RFTN1: variants seen among roughly 807,000 people sequenced by gnomAD.
The protein encoded by RFTN1 is raftlin.
A neutral mutation model predicts 46.5 loss-of-function variants in RFTN1; 26 were observed. The observed-to-expected ratio is 0.56, with a 90% confidence interval of 0.41 to 0.78. RFTN1 has a LOEUF of 0.78. RFTN1 is among the 30% of genes least tolerant of loss of function. The pLI, the probability that RFTN1 is intolerant of heterozygous loss-of-function variation, is 0.00. For missense variants in RFTN1, 693 were observed against 718.7 expected, an observed-to-expected ratio of 0.96 and a Z score of 0.41; for synonymous variants, 261 against 284.2, an observed-to-expected ratio of 0.92 and a Z score of 0.82.
Position 16,387,751 on chromosome 3 carries a change from C to G in RFTN1, c.442-9649G>C, listed in dbSNP as rs965709752. ...GCCTCACCGACTCCACCTCCACTCACTCTCTAGCTTCTGTACTGCCTCCTC... is the reference window on the plus strand; with the variant it reads ...GCCTCACCGACTCCACCTCCACTCAGTCTCTAGCTTCTGTACTGCCTCCTC... On this transcript the variant is annotated intron_variant, in intron 4 of 9. Transcript: ENST00000334133. This position sits in a 1 kb window ranked among gnomAD's most constrained non-coding sequence, Gnocchi z 5.2. Among the ~76,000 whole-genome samples, 1 of 152,102 alleles carries G rather than the reference C, an allele frequency of 6.6e-6. No homozygotes were observed. The highest frequency in any genetic ancestry group is 6.6e-5 in the Admixed American group (1 of 15,256).
chr3:16,457,504 A>G lies in RFTN1; in HGVS notation c.146-23467T>C, dbSNP rs1328730424. On this transcript the variant is annotated intron_variant, in intron 2 of 9. Coordinates refer to ENST00000334133, the MANE Select transcript of RFTN1 (RefSeq NM_015150.2). This position sits in a 1 kb window ranked among gnomAD's most constrained non-coding sequence, Gnocchi z 4.2. The stretch of plus-strand genomic sequence containing the variant: ...TACCTTCTTTTACGATATACAAGGC[A>G]TCCCAAAAGTCTCAATACAGTTTTA... Among the ~76,000 whole-genome samples the G allele has an allele frequency of 6.6e-6, 1 of 152,230 alleles. No individual in the cohort carries two copies. Among genetic ancestry groups the G allele is most frequent in the African/African-American group, 2.4e-5 (1 of 41,458 alleles).
At chr3:16,423,498 C>T (rs1230585217) in intron 3 of RFTN1, among the ~76,000 whole-genome samples, 2 of 152,144 alleles carry the variant, frequency 1.3e-5, no homozygotes, top group African/African-American at 2.4e-5. Context: ...ATGTGAAAAC[C>T]GGTTTCTCCA....
At chr3:16,391,104 A>AC (rs1306399039) in intron 4 of RFTN1, among the ~76,000 whole-genome samples, 5 of 152,186 alleles carry the variant, frequency 3.3e-5, no homozygotes, top group African/African-American at 1.2e-4. Flanking sequence ...CATCACTAGT[A>AC]CCCCAATGAA....
Position 16,385,150 on chromosome 3 carries a change from C to T in RFTN1, c.442-7048G>A, listed in dbSNP as rs2074124925. On this transcript the variant is annotated intron_variant, in intron 4 of 9. Coordinates refer to ENST00000334133, the MANE Select transcript of RFTN1 (RefSeq NM_015150.2). This position sits in a 1 kb window ranked among gnomAD's most constrained non-coding sequence, Gnocchi z 5.0. ...ATGCCCTAGGTGTCAAGAACAGGTA[C>T]AAAAATGCCATTCTGGGTTGCAGTT... Among the ~76,000 whole-genome samples, 1 of 152,176 alleles carries T rather than the reference C, an allele frequency of 6.6e-6. No individual in the cohort carries two copies. The highest frequency in any genetic ancestry group is 2.4e-5 in the African/African-American group (1 of 41,426).
At chr3:16,486,511 C>T (rs1395630246) in intron 2 of RFTN1, among the ~76,000 whole-genome samples, 1 of 152,252 alleles carries the variant, frequency 6.6e-6, no homozygotes, top group African/African-American at 2.4e-5. Context: ...ATCCCTCCCA[C>T]AAGTTGTCTC....
chr3:16,454,858 T>C, intron 2 of RFTN1: 1 of 797,788 alleles, frequency 1.3e-6, no homozygotes, highest in Non-Finnish European at 1.5e-6. Flanking sequence ...ACTAGCTTTT[T>C]GCCTAGTCCA....
intron 6 of RFTN1, among the ~76,000 whole-genome samples, chr3:16,368,532 G>C (rs1469949859): frequency 6.6e-6 from 1 of 152,116 alleles, no homozygotes; most frequent in South Asian, 2.1e-4. Context: ...ATTAGCCTGC[G>C]TGGTGGCGGG....
rs2074574669 is a variant in RFTN1 at position 16,400,537 on chromosome 3, A to G, written c.441+8838T>C. 6.6e-6 allele frequency among the ~76,000 whole-genome samples: 1 copy of G among 152,242 alleles called. No individual in the cohort carries two copies. Among genetic ancestry groups the G allele is most frequent in the African/African-American group, 2.4e-5 (1 of 41,458 alleles). Reference sequence around the variant, plus strand: ...ATTACCTAGACCGGCTTACTAAAGTATTCCCAAACACTACCAGCAAAGATC... The same window carrying G: ...ATTACCTAGACCGGCTTACTAAAGTGTTCCCAAACACTACCAGCAAAGATC... On this transcript the variant is annotated intron_variant, in intron 4 of 9. Transcript: ENST00000334133. The surrounding 1 kb of genome is among the most constrained non-coding windows in gnomAD (Gnocchi z 4.5).
intron 4 of RFTN1, among the ~76,000 whole-genome samples, chr3:16,389,082 G>C (rs556524476): frequency 6.6e-6 from 1 of 152,320 alleles, no homozygotes; most frequent in South Asian, 2.1e-4. Flanking sequence ...TTAACATCCA[G>C]TATTCGTGAC....
intron 2 of RFTN1, among the ~76,000 whole-genome samples, chr3:16,456,672 C>T (rs2075911503): frequency 6.6e-6 from 1 of 152,166 alleles, no homozygotes; most frequent in Admixed American, 6.5e-5. Context: ...CACGTTAGAA[C>T]ATTTAAAACT....
At position 16,400,255 on chromosome 3, in the gene RFTN1, AC is replaced by A. The variant is rs939364063; in HGVS notation, c.441+9119del. 3.3e-5 allele frequency among the ~76,000 whole-genome samples: 5 copies of A among 151,892 alleles called. No homozygotes were observed. Among genetic ancestry groups the A allele is most frequent in the African/African-American group, 1.2e-4 (5 of 41,334 alleles). On this transcript the variant is annotated intron_variant, in intron 4 of 9. Transcript: ENST00000334133. The surrounding 1 kb of genome is among the most constrained non-coding windows in gnomAD (Gnocchi z 4.5). ...AACTCCCTTCTGCTCCTCAAACCAAACTTACTCCCTCCCACCTTGGCTTTGT... is the reference window on the plus strand; with the variant it reads ...AACTCCCTTCTGCTCCTCAAACCAAATTACTCCCTCCCACCTTGGCTTTGT...
chr3:16,316,022 G>T lies in RFTN1; in HGVS notation c.*806C>A, dbSNP rs2068353239. ...CACATGATAAACACAGCATACATGG[G>T]TAACAACTTGACCAATGTTACACTG... is the stretch of plus-strand genomic sequence containing the variant. On this transcript the variant is annotated 3_prime_UTR_variant, in exon 10 of 10. Coordinates refer to ENST00000334133, the MANE Select transcript of RFTN1 (RefSeq NM_015150.2). The surrounding 1 kb of genome is among the most constrained non-coding windows in gnomAD (Gnocchi z 4.5). 1 of 152,388 alleles carries T rather than the reference G, an allele frequency of 6.6e-6. No homozygotes were observed. Among genetic ancestry groups the T allele is most frequent in the Non-Finnish European group, 1.5e-5 (1 of 68,052 alleles). 9.4% of individuals were successfully genotyped at this position (152,388 alleles called of 1,614,324 possible). A position where few individuals can be genotyped will look rare whatever the true frequency, so the allele number is the denominator to read the frequency against.
intron 4 of RFTN1, among the ~76,000 whole-genome samples, chr3:16,408,970 G>A (rs2074924802): frequency 6.6e-6 from 1 of 152,240 alleles, no homozygotes; most frequent in South Asian, 2.1e-4. Context: ...ATGTTCGAAT[G>A]TGGGTGGCCC....
At position 16,346,978 on chromosome 3, in the gene RFTN1, G is replaced by A. The variant is rs908243550; in HGVS notation, c.1146+10954C>T. Among the ~76,000 whole-genome samples the A allele has an allele frequency of 1.3e-5, 2 of 152,126 alleles. No individual in the cohort carries two copies. Among genetic ancestry groups the A allele is most frequent in the South Asian group, 2.1e-4 (1 of 4,818 alleles). On this transcript the variant is annotated intron_variant, in intron 7 of 9. Transcript: ENST00000334133. The surrounding 1 kb of genome is among the most constrained non-coding windows in gnomAD (Gnocchi z 4.4). The stretch of plus-strand genomic sequence containing the variant: ...AATGAGATGAGATGAACACCCCTAC[G>A]GCTTAAGCCACTTTTAGTTGGATTT...
At position 16,457,961 on chromosome 3, in the gene RFTN1, G is replaced by T. The variant is rs1423244206; in HGVS notation, c.146-23924C>A. 2.0e-5 allele frequency among the ~76,000 whole-genome samples: 3 copies of T among 152,128 alleles called. No individual in the cohort carries two copies. The highest frequency in any genetic ancestry group is 7.2e-5 in the African/African-American group (3 of 41,416). ...CTTTTTGCCTTCTGCCTTCCACCATGTGAGGACACAGCATTCCACCCCTCT... is the reference window on the plus strand; with the variant it reads ...CTTTTTGCCTTCTGCCTTCCACCATTTGAGGACACAGCATTCCACCCCTCT... On this transcript the variant is annotated intron_variant, in intron 2 of 9. Coordinates refer to ENST00000334133, the MANE Select transcript of RFTN1 (RefSeq NM_015150.2). The surrounding 1 kb of genome is among the most constrained non-coding windows in gnomAD (Gnocchi z 4.2).
At position 16,460,852 on chromosome 3, in the gene RFTN1, C is replaced by T. The variant is rs145507506; in HGVS notation, c.146-26815G>A. ...GAAGTGGCCCACTCTCTCCCACCTACCCACCCCAGAATTTCTTACCCTTCA... is the reference window on the plus strand; with the variant it reads ...GAAGTGGCCCACTCTCTCCCACCTATCCACCCCAGAATTTCTTACCCTTCA... On this transcript the variant is annotated intron_variant, in intron 2 of 9. Transcript: ENST00000334133. The surrounding 1 kb of genome is among the most constrained non-coding windows in gnomAD (Gnocchi z 4.8). 5.3e-3 allele frequency among the ~76,000 whole-genome samples: 811 copies of T among 152,274 alleles called. 7 individuals are homozygous for T. The highest frequency in any genetic ancestry group is 0.018 in the African/African-American group (766 of 41,544).
intron 1 of RFTN1, among the ~76,000 whole-genome samples, chr3:16,502,841 A>G (rs1258271210): frequency 6.6e-6 from 1 of 152,190 alleles, no homozygotes; most frequent in Non-Finnish European, 1.5e-5. Context: ...CGACTCAGAG[A>G]AACCATGCAA....
At chr3:16,456,830 A>T (rs754248840) in intron 2 of RFTN1, among the ~76,000 whole-genome samples, 1 of 152,212 alleles carries the variant, frequency 6.6e-6, no homozygotes, top group Non-Finnish European at 1.5e-5. Flanking sequence ...TCATTTTGAA[A>T]ATAGTTGGGA....
rs1263882928 is a variant in RFTN1, at chr3:16,480,774, T to C, written c.145+12951A>G. 1.3e-5 allele frequency among the ~76,000 whole-genome samples: 2 copies of C among 152,140 alleles called. No homozygotes were observed. Among genetic ancestry groups the C allele is most frequent in the African/African-American group, 2.4e-5 (1 of 41,414 alleles). The stretch of plus-strand genomic sequence containing the variant: ...ATATTGCTAATAATAATTAGTAGGG[T>C]GCATAGAATATTAACTTGTTTTCTG... On this transcript the variant is annotated intron_variant, in intron 2 of 9. Coordinates refer to ENST00000334133, the MANE Select transcript of RFTN1 (RefSeq NM_015150.2). This position sits in a 1 kb window ranked among gnomAD's most constrained non-coding sequence, Gnocchi z 4.3.
Sources: allele counts gnomAD v4.1 joint callset (sites outside exome capture counted in the v4.1 genomes callset), GRCh38; gene constraint gnomAD v4.1.1; non-coding constraint Gnocchi (gnomAD v3.1); transcripts MANE v1.5; gene names NCBI Gene and HGNC (gene_info 2026-07-23, HGNC 2026-07-21).